TSPAN18: variants seen among roughly 807,000 people sequenced by gnomAD.
The protein encoded by TSPAN18 is tetraspanin-18.
In TSPAN18, 14 loss-of-function variants were observed where a neutral mutation model predicts 27.3. The observed-to-expected ratio is 0.51, with a 90% CI of 0.34 to 0.80. TSPAN18 has a LOEUF of 0.80. TSPAN18 is among the 30% of genes least tolerant of loss of function. TSPAN18 has a pLI of 0.01. For synonymous variants in TSPAN18, 143 were observed against 136.5 expected, an observed-to-expected ratio of 1.05 and a Z score of -0.33; for missense variants, 268 against 323.9, an observed-to-expected ratio of 0.83 and a Z score of 1.32.
intron 8 of TSPAN18, among the ~76,000 whole-genome samples, chr11:44,922,378 C>A (rs1860175518): frequency 6.6e-6 from 1 of 152,136 alleles, no homozygotes; most frequent in Non-Finnish European, 1.5e-5. Context: ...TTGGCCTCCC[C>A]AAGTGCTGGG....
At chr11:44,825,967 TCTC>T (rs956033622) in intron 2 of TSPAN18, among the ~76,000 whole-genome samples, 9 of 152,212 alleles carry the variant, frequency 5.9e-5, no homozygotes, top group South Asian at 2.1e-4. Context: ...GCTGGGAGCT[TCTC>T]CTCTCTCAGC....
At chr11:44,751,813 G>A (rs924321329) in intron 1 of TSPAN18, among the ~76,000 whole-genome samples, 4 of 151,948 alleles carry the variant, frequency 2.6e-5, no homozygotes, top group African/African-American at 9.7e-5. Flanking sequence ...TGTAATCCCA[G>A]CTACTCAGGA....
chr11:44,842,934 C>T (rs1158358585), intron 2 of TSPAN18, among the ~76,000 whole-genome samples: 1 of 152,068 alleles, frequency 6.6e-6, no homozygotes, highest in African/African-American at 2.4e-5. Context: ...CTTCCCCCAC[C>T]CTTCCCCCAA....
chr11:44,759,806 T>A (rs1334956489), intron 1 of TSPAN18, among the ~76,000 whole-genome samples: 1 of 152,202 alleles, frequency 6.6e-6, no homozygotes, highest in African/African-American at 2.4e-5. Context: ...GAACTCATAG[T>A]CTGGTAGGTG....
chr11:44,919,935 G>T lies in TSPAN18; in HGVS notation c.551G>T (p.Arg184Leu). ...TGCTGCCGGAGGGAACCCCAAAGTC[G>T]GGACGGGGTCCTGCTGAGCCGGGAG... ...EACCRREPQS[R>L]DGVLLSREEC... The change falls in exon 8 of 10, where the codon CGG becomes CTG. Residue 184 changes from arginine (R) to leucine (L), a missense_variant. Physicochemically the swap from Arg to Leu is moderately radical, Grantham distance 102. Transcript: ENST00000520358. 1 of 1,614,198 alleles carries T rather than the reference G, an allele frequency of 6.2e-7. No homozygotes were observed. The highest frequency in any genetic ancestry group is 8.5e-7 in the Non-Finnish European group (1 of 1,180,028).
intron 1 of TSPAN18, among the ~76,000 whole-genome samples, chr11:44,760,138 T>C (rs940336895): frequency 2.0e-5 from 3 of 152,132 alleles, no homozygotes; most frequent in African/African-American, 7.2e-5. Context: ...TGGAAAGGAA[T>C]TGGGGATCAG....
At position 44,790,614 on chromosome 11, in the gene TSPAN18, G is replaced by A. The variant is rs529852656; in HGVS notation, c.-153+26102G>A. Among the ~76,000 whole-genome samples, 45 of 114,790 alleles carry A rather than the reference G, an allele frequency of 3.9e-4. No individual in the cohort carries two copies. The South Asian group carries it at 5.2e-3, about 13-fold the overall frequency. 75.3% of individuals were successfully genotyped at this position (114,790 alleles called of 152,430 possible). Reference sequence around the variant, plus strand: ...TGTTCGTGTGTGTGCATGTGTTCGTGTGTGTGTGTGCATGTGTACACTTGC... The same window carrying A: ...TGTTCGTGTGTGTGCATGTGTTCGTATGTGTGTGTGCATGTGTACACTTGC... On this transcript the variant is annotated intron_variant, in intron 2 of 9. Transcript: ENST00000520358.
At chr11:44,845,793 T>G (rs1490001549) in intron 2 of TSPAN18, among the ~76,000 whole-genome samples, 1 of 152,184 alleles carries the variant, frequency 6.6e-6, no homozygotes, top group Non-Finnish European at 1.5e-5. Flanking sequence ...CTTGACACTC[T>G]CCAGGGCACA....
intron 2 of TSPAN18, among the ~76,000 whole-genome samples, chr11:44,845,959 C>T (rs570224067): frequency 1.3e-5 from 2 of 152,254 alleles, no homozygotes; most frequent in Non-Finnish European, 2.9e-5. Context: ...GACCTTATGA[C>T]TCTCCCAGAC....
intron 3 of TSPAN18, among the ~76,000 whole-genome samples, chr11:44,870,267 C>T (rs1243382762): frequency 2.6e-5 from 4 of 152,278 alleles, no homozygotes; most frequent in African/African-American, 7.2e-5. Flanking sequence ...ACCCCAGCCC[C>T]GGGCCACCAC....
intron 3 of TSPAN18, among the ~76,000 whole-genome samples, chr11:44,877,371 A>AGTGGT (rs1858366368): frequency 6.6e-6 from 1 of 152,158 alleles, no homozygotes; most frequent in Non-Finnish European, 1.5e-5. Flanking sequence ...AGTGACCTGG[A>AGTGGT]GTGGTCTGTC....
chr11:44,729,755 A>G (rs958292141), intron 1 of TSPAN18, among the ~76,000 whole-genome samples: 2 of 152,112 alleles, frequency 1.3e-5, no homozygotes, highest in African/African-American at 4.8e-5. Context: ...TGAGTCCAGG[A>G]AGGAACCCTC....
intron 5 of TSPAN18, among the ~76,000 whole-genome samples, chr11:44,913,920 T>C (rs3824894): frequency 0.56 from 85,403 of 152,172 alleles, 24,485 homozygotes; most frequent in East Asian, 0.83. Context: ...ACTGGTAAAC[T>C]GTCTTAAGCA....
At chr11:44,838,203 A>G (rs537015466) in intron 2 of TSPAN18, among the ~76,000 whole-genome samples, 1 of 152,318 alleles carries the variant, frequency 6.6e-6, no homozygotes, top group African/African-American at 2.4e-5. Flanking sequence ...TAATTGACTC[A>G]CAGTTCCACA....
At chr11:44,828,498 C>T (rs1448633245) in intron 2 of TSPAN18, among the ~76,000 whole-genome samples, 1 of 152,126 alleles carries the variant, frequency 6.6e-6, no homozygotes, top group African/African-American at 2.4e-5. Flanking sequence ...GGTAAGTCCA[C>T]AAGGCCATAA....
At chr11:44,740,628 G>T (rs1854911250) in intron 1 of TSPAN18, among the ~76,000 whole-genome samples, 1 of 152,204 alleles carries the variant, frequency 6.6e-6, no homozygotes, top group Non-Finnish European at 1.5e-5. Flanking sequence ...AATTAGCAAA[G>T]AATTGGGGGA....
At chr11:44,758,633 G>A (rs1048149157) in intron 1 of TSPAN18, among the ~76,000 whole-genome samples, 1 of 152,168 alleles carries the variant, frequency 6.6e-6, no homozygotes, top group Non-Finnish European at 1.5e-5. Flanking sequence ...TGTATCGAGT[G>A]TTTATGATAG....
chr11:44,783,333 A>G (rs981278906), intron 2 of TSPAN18, among the ~76,000 whole-genome samples: 1 of 152,202 alleles, frequency 6.6e-6, no homozygotes, highest in Non-Finnish European at 1.5e-5. Flanking sequence ...GAAAATGAAT[A>G]GGAAAGCTAC....
intron 1 of TSPAN18, among the ~76,000 whole-genome samples, chr11:44,755,750 G>T (rs190746762): frequency 6.6e-6 from 1 of 152,188 alleles, no homozygotes; most frequent in Non-Finnish European, 1.5e-5. Flanking sequence ...GCCTGGCATC[G>T]GCTTGGGAGA....
Sources: gnomAD v4.1 joint callset for allele counts (sites outside exome capture counted in the v4.1 genomes callset) on GRCh38, gnomAD v4.1.1 for gene constraint, MANE v1.5 for transcripts, NCBI Gene and HGNC (gene_info 2026-07-23, HGNC 2026-07-21) for gene names.